The following TASOR2 variants were observed in gnomAD, a reference collection of about 807,000 sequenced individuals.
TASOR2 encodes protein TASOR 2.
In TASOR2, 84 loss-of-function variants were observed where a neutral mutation model predicts 199.5. The observed-to-expected ratio is 0.42, with a 90% CI of 0.35 to 0.50. The LOEUF (loss-of-function observed/expected upper bound fraction) is 0.50. Ranked by LOEUF, TASOR2 falls within the 20% of genes least tolerant of loss-of-function variation. The pLI is 0.02. For missense variants in TASOR2, 2,796 were observed against 2,835.9 expected (o/e 0.99, Z 0.32); for synonymous variants, 1,103 against 1,046.6 (o/e 1.05, Z -1.04).
rs529648041 is a variant in TASOR2, at chr10:5,737,455, T to C, written c.1447+1909T>C. On this transcript the variant is annotated intron_variant, in intron 12 of 20. Coordinates refer to ENST00000328090, the Ensembl canonical transcript of TASOR2. The surrounding 1 kb of genome is among the most constrained non-coding windows in gnomAD (Gnocchi z 4.9). ...CTCTTCTGCTTGTCCCTCTCGGGAG[T>C]TTATGGTGTGGCTGTACCTCCCCTC... 6.6e-6 allele frequency among the ~76,000 whole-genome samples: 1 copy of C among 151,546 alleles called. No homozygotes were observed. The highest frequency in any genetic ancestry group is 2.0e-4 in the East Asian group (1 of 5,096).
At chr10:5,712,674 T>G (rs1832069016) in intron 1 of TASOR2, 149 bp from the exon 2 acceptor site, 2 of 807,054 alleles carry the variant, frequency 2.5e-6, no homozygotes, top group South Asian at 1.3e-4. Context: ...AATAGTCACT[T>G]GGAAGGTAAT....
exon 15 of TASOR2, chr10:5,747,052 G>A: frequency 6.2e-7 from 1 of 1,614,124 alleles, no homozygotes; most frequent in Non-Finnish European, 8.5e-7. Flanking sequence ...CTCATCATCA[G>A]CCTCTACCAC....
In TASOR2 at chr10:5,722,997, G is replaced by T. The variant is rs370169404; in HGVS notation, c.147-680G>T. On this transcript the variant is annotated intron_variant, in intron 6 of 20. Coordinates refer to ENST00000328090, the Ensembl canonical transcript of TASOR2. This position sits in a 1 kb window ranked among gnomAD's most constrained non-coding sequence, Gnocchi z 4.0. ...CACTCCAGCCTGGGTGACAGAGCCA[G>T]ACTCCATCTCACACACAAAAAAAGG... Among the ~76,000 whole-genome samples the T allele has an allele frequency of 4.3e-5, 6 of 141,114 alleles. No homozygotes were observed. Among genetic ancestry groups the T allele is most frequent in the African/African-American group, 1.3e-4 (5 of 38,704 alleles). The allele number at this position is 141,114 out of a possible 152,430, so 92.6% of individuals were successfully genotyped here.
rs1451075443 is a variant in TASOR2, at chr10:5,751,279, G to A, written c.6606+1252G>A. Among the ~76,000 whole-genome samples, 3 of 152,190 alleles carry A rather than the reference G, an allele frequency of 2.0e-5. No individual in the cohort carries two copies. In the East Asian group the frequency reaches 5.8e-4, roughly 29 times the overall value. ...ACTTTTATCCACTAGATTTAACATC[G>A]ACTGGTGATTCTTATCTGAATCAGT... On this transcript the variant is annotated intron_variant, in intron 15 of 20. Transcript: ENST00000328090. This position sits in a 1 kb window ranked among gnomAD's most constrained non-coding sequence, Gnocchi z 5.3.
At chr10:5,707,734 A>T (rs1276527945) in intron 1 of TASOR2, among the ~76,000 whole-genome samples, 22 of 7,720 alleles carry the variant, frequency 2.8e-3, no homozygotes, top group African/African-American at 3.2e-3. Context: ...TTTCACACAC[A>T]CACACACACA....
chr10:5,716,315 T>G (rs1284369813), intron 2 of TASOR2, among the ~76,000 whole-genome samples: 1 of 152,222 alleles, frequency 6.6e-6, no homozygotes, highest in African/African-American at 2.4e-5. Flanking sequence ...CTATTATGAA[T>G]AATGGTCCTA....
At chr10:5,755,394 G>A (rs1273216741) in intron 15 of TASOR2, among the ~76,000 whole-genome samples, 2 of 151,948 alleles carry the variant, frequency 1.3e-5, no homozygotes, top group East Asian at 3.9e-4. Flanking sequence ...CCAACATGGT[G>A]AAACCCCATC....
At chr10:5,762,553 A>C in exon 20 of TASOR2, 1 of 1,205,696 alleles carries the variant, frequency 8.3e-7, no homozygotes, top group South Asian at 1.5e-5. Flanking sequence ...ATCCCCAGAG[A>C]AGTCTTTGAA....
At chr10:5,686,770 CTTTTTA>C (rs1428343479) in intron 1 of TASOR2, among the ~76,000 whole-genome samples, 2 of 152,284 alleles carry the variant, frequency 1.3e-5, no homozygotes, top group Admixed American at 6.5e-5. Context: ...AAAGTTAAAT[CTTTTTA>C]GGCAGGTCAT....
Position 5,710,261 on chromosome 10 carries a change from A to T in TASOR2, c.-287-2562A>T, listed in dbSNP as rs1831743050. The stretch of plus-strand genomic sequence containing the variant: ...GTGTAATTGATGTCATTATGAACCC[A>T]TGAAAGATTTAAGATTAGCTATGAT... On this transcript the variant is annotated intron_variant, in intron 1 of 20. Transcript: ENST00000328090. The surrounding 1 kb of genome is among the most constrained non-coding windows in gnomAD (Gnocchi z 4.6). Among the ~76,000 whole-genome samples, 1 of 152,134 alleles carries T rather than the reference A, an allele frequency of 6.6e-6. No homozygotes were observed. Among genetic ancestry groups the T allele is most frequent in the African/African-American group, 2.4e-5 (1 of 41,440 alleles).
In TASOR2 at chr10:5,712,825, C is replaced by G; in HGVS notation, c.-285C>G. The G allele has an allele frequency of 3.3e-6, 4 of 1,222,844 alleles. No individual in the cohort carries two copies. In the East Asian group the frequency reaches 1.3e-4, roughly 39 times the overall value. The allele number at this position is 1,222,844 out of a possible 1,614,324, so 75.7% of individuals were successfully genotyped here. On this transcript the variant is annotated splice_region_variant and 5_prime_UTR_variant, in exon 2 of 21. Transcript: ENST00000328090. ...TATTCTGTTCTCTCTTTATACAGTACAAAACTTTTTACCAACAAAAAAAAG... is the reference window on the plus strand; with the variant it reads ...TATTCTGTTCTCTCTTTATACAGTAGAAAACTTTTTACCAACAAAAAAAAG...
At chr10:5,729,249 T>C (rs1244417508) in intron 10 of TASOR2, among the ~76,000 whole-genome samples, 1 of 152,138 alleles carries the variant, frequency 6.6e-6, no homozygotes, top group Non-Finnish European at 1.5e-5. Flanking sequence ...CTCGGGAGAC[T>C]GAGACACAGA....
rs1387210806 is a variant in TASOR2, at chr10:5,754,613, C to G, written c.6607-2000C>G. 6.6e-6 allele frequency among the ~76,000 whole-genome samples: 1 copy of G among 152,048 alleles called. No individual in the cohort carries two copies. On this transcript the variant is annotated intron_variant, in intron 15 of 20. Transcript: ENST00000328090. The surrounding 1 kb of genome is among the most constrained non-coding windows in gnomAD (Gnocchi z 4.3). ...CCATGTTGGCCAGGCTGGTCTCGAA[C>G]TCCATAGCAGGAGTTCTTCTAGATA...
chr10:5,693,364 C>T (rs530051766), intron 1 of TASOR2, among the ~76,000 whole-genome samples: 2 of 152,302 alleles, frequency 1.3e-5, no homozygotes, highest in African/African-American at 4.8e-5. Context: ...AGGTTATTAC[C>T]TTAGTTTTTA....
chr10:5,757,463 C>G, intron 16 of TASOR2, 57 bp from the exon 18 acceptor site: 1 of 1,525,816 alleles, frequency 6.6e-7, no homozygotes, highest in Non-Finnish European at 8.8e-7. Context: ...AAGGGAGTGT[C>G]TAAGAAAATG....
chr10:5,762,182 G>A (rs1458193281), intron 19 of TASOR2, among the ~76,000 whole-genome samples: 2 of 150,780 alleles, frequency 1.3e-5, no homozygotes, highest in East Asian at 1.9e-4. Flanking sequence ...AGGATTGCTC[G>A]AGGCTGCAGT....
chr10:5,747,163 G>A lies in TASOR2; in HGVS notation c.3742G>A (p.Glu1248Lys), dbSNP rs753189041. The stretch of plus-strand genomic sequence containing the variant: ...GAATCACAAGAATGGTCCAAACACT[G>A]AAAATATGAATTTGGAAGCGTTTGA... Residue 1248 changes from glutamate to lysine, a missense_variant, in exon 15 of 21, where the codon GAA becomes AAA. This residue lies in a region of TASOR2 where 1,941 missense variants were observed against 1,924.9 expected (regional missense o/e 1.01). Coordinates refer to ENST00000328090, the Ensembl canonical transcript of TASOR2. 4.3e-6 allele frequency: 7 copies of A among 1,614,064 alleles called. 1 individual carries two copies. The South Asian group carries it at 7.7e-5, about 18-fold the overall frequency.
chr10:5,725,218 T>G (rs1833894286), intron 8 of TASOR2, among the ~76,000 whole-genome samples: 1 of 151,512 alleles, frequency 6.6e-6, no homozygotes, highest in Non-Finnish European at 1.5e-5. Context: ...ACTAACATGG[T>G]GAAACCCTGT....
chr10:5,747,020 A>G (rs545329397), exon 15 of TASOR2: 4 of 1,614,136 alleles, frequency 2.5e-6, no homozygotes, highest in Admixed American at 3.3e-5. Flanking sequence ...GGGCTTCTAG[A>G]ACTGACACAG....
Sources: allele counts gnomAD v4.1 joint callset (sites outside exome capture counted in the v4.1 genomes callset), GRCh38; gene constraint gnomAD v4.1.1; regional missense constraint gnomAD v4.1.1; non-coding constraint Gnocchi (gnomAD v3.1); transcripts MANE v1.5; gene names NCBI Gene and HGNC (gene_info 2026-07-23, HGNC 2026-07-21).